THRB: variants seen among roughly 807,000 people sequenced by gnomAD.
THRB encodes thyroid hormone receptor beta.
A neutral mutation model predicts 47.8 loss-of-function variants in THRB; 12 were observed. That is an observed-to-expected ratio of 0.25 (90% CI 0.16 to 0.41). THRB has a LOEUF of 0.41. Ranked by LOEUF, THRB falls within the 10% of genes least tolerant of loss-of-function variation. The pLI is 1.00. For synonymous variants in THRB, 218 were observed against 212.2 expected (o/e 1.03, Z -0.24); for missense variants, 348 against 589.2 (o/e 0.59, Z 4.24).
At chr3:24,482,800 T>C (rs1696683335) in intron 1 of THRB, among the ~76,000 whole-genome samples, 1 of 152,222 alleles carries the variant, frequency 6.6e-6, no homozygotes, top group Non-Finnish European at 1.5e-5. Flanking sequence ...TCACCTATTA[T>C]GGAATATTAA....
At chr3:24,257,659 A>G (rs995109907) in intron 3 of THRB, among the ~76,000 whole-genome samples, 2 of 152,238 alleles carry the variant, frequency 1.3e-5, no homozygotes, top group Admixed American at 1.3e-4. Flanking sequence ...GCAGCCACAG[A>G]CAATGTTAAG....
Position 24,437,077 on chromosome 3 carries a change from A to G in THRB, c.-261+57575T>C, listed in dbSNP as rs1224916695. ...AAAAATGTGTATATATATATCATAT[A>G]TATATCATAAAAATGTGTGTGTGTA... On this transcript the variant is annotated intron_variant, in intron 1 of 10. Coordinates refer to ENST00000646209, the MANE Select transcript of THRB (RefSeq NM_001354712.2). 2.0e-5 allele frequency among the ~76,000 whole-genome samples: 3 copies of G among 149,880 alleles called. No individual in the cohort carries two copies. In the East Asian group the frequency reaches 5.8e-4, roughly 29 times the overall value.
rs150399544 is a variant in THRB at position 24,366,408 on chromosome 3, C to T, written c.-260-29037G>A. 2.6e-4 allele frequency among the ~76,000 whole-genome samples: 39 copies of T among 152,194 alleles called. 1 individual carries two copies. The East Asian group carries it at 5.4e-3, about 21-fold the overall frequency. On this transcript the variant is annotated intron_variant, in intron 1 of 10. Coordinates refer to ENST00000646209, the MANE Select transcript of THRB (RefSeq NM_001354712.2). ...CCAGGCAGTCATGACCAGGTGGTAG[C>T]GATGGCGGGAGTGAGGGACCAAGGC...
chr3:24,143,935 C>CA, intron 7 of THRB: 1 of 581,174 alleles, frequency 1.7e-6, no homozygotes, highest in South Asian at 2.0e-5. Flanking sequence ...GCCAGCTTTT[C>CA]AAAACAAAGT....
At chr3:24,164,871 T>C (rs1575531079) in intron 5 of THRB, among the ~76,000 whole-genome samples, 1 of 152,330 alleles carries the variant, frequency 6.6e-6, no homozygotes, top group East Asian at 1.9e-4. Context: ...ACAGAGTCCT[T>C]CAATCACCTA....
At chr3:24,449,177 A>G (rs1179561228) in intron 1 of THRB, among the ~76,000 whole-genome samples, 3 of 152,228 alleles carry the variant, frequency 2.0e-5, no homozygotes, top group African/African-American at 7.2e-5. Flanking sequence ...CTTGAAGGCA[A>G]GCTACTTACA....
intron 5 of THRB, among the ~76,000 whole-genome samples, chr3:24,186,233 G>C (rs982461029): frequency 2.0e-5 from 3 of 152,132 alleles, no homozygotes; most frequent in African/African-American, 7.2e-5. Context: ...GTCTGGGTGG[G>C]GCCTGAGAAT....
intron 1 of THRB, among the ~76,000 whole-genome samples, chr3:24,444,321 C>T (rs1354632376): frequency 6.6e-6 from 1 of 151,958 alleles, no homozygotes; most frequent in African/African-American, 2.4e-5. Context: ...CATTAACAAA[C>T]AGAATCAAAA....
chr3:24,401,740 C>T (rs1328776237), intron 1 of THRB, among the ~76,000 whole-genome samples: 1 of 152,030 alleles, frequency 6.6e-6, no homozygotes, highest in East Asian at 1.9e-4. Flanking sequence ...AGTGTGGTCC[C>T]TGGACCAGCA....
chr3:24,123,342 ATC>A (rs1227914921), intron 10 of THRB, among the ~76,000 whole-genome samples: 6 of 152,338 alleles, frequency 3.9e-5, no homozygotes, highest in Non-Finnish European at 7.4e-5. Context: ...TCAGATAAAT[ATC>A]TCTGTTTAGA....
chr3:24,280,727 C>T (rs1320375262), intron 3 of THRB, among the ~76,000 whole-genome samples: 1 of 151,700 alleles, frequency 6.6e-6, no homozygotes, highest in East Asian at 1.9e-4. Flanking sequence ...ATAACCAATA[C>T]AGAGAAGTGC....
intron 4 of THRB, among the ~76,000 whole-genome samples, chr3:24,213,582 A>G: frequency 6.6e-6 from 1 of 152,196 alleles, no homozygotes; most frequent in East Asian, 1.9e-4. Context: ...AAAGGAGACG[A>G]CAATACAATC....
chr3:24,218,585 T>C (rs1407839692), intron 4 of THRB, among the ~76,000 whole-genome samples: 1 of 151,710 alleles, frequency 6.6e-6, no homozygotes, highest in Non-Finnish European at 1.5e-5. Context: ...CTGTTGGCTG[T>C]TTTCTCCACA....
intron 3 of THRB, among the ~76,000 whole-genome samples, chr3:24,276,942 T>C (rs964181594): frequency 1.3e-5 from 2 of 151,880 alleles, no homozygotes; most frequent in African/African-American, 2.4e-5. Flanking sequence ...TTTATAAAAG[T>C]TATATGCAAA....
chr3:24,422,064 A>ACCAACAATGACTATACAAATAATT (rs1315100061), intron 1 of THRB, among the ~76,000 whole-genome samples: 1 of 151,966 alleles, frequency 6.6e-6, no homozygotes, highest in Non-Finnish European at 1.5e-5. Flanking sequence ...TACTACTTCA[A>ACCAACAATGACTATACAAATAATT]CCAACAATGA....
chr3:24,400,545 C>T (rs2067309433), intron 1 of THRB, among the ~76,000 whole-genome samples: 2 of 151,972 alleles, frequency 1.3e-5, no homozygotes, highest in South Asian at 4.1e-4. Context: ...TCAAGGTAGA[C>T]TGGCAATAGC....
chr3:24,451,564 A>G (rs569894279), intron 1 of THRB, among the ~76,000 whole-genome samples: 14 of 152,278 alleles, frequency 9.2e-5, no homozygotes, highest in African/African-American at 2.9e-4. Context: ...CAAAAGTCAG[A>G]GTCAAAATCA....
At chr3:24,366,672 G>A (rs943735902) in intron 1 of THRB, among the ~76,000 whole-genome samples, 22 of 140,244 alleles carry the variant, frequency 1.6e-4, no homozygotes, top group African/African-American at 5.4e-4. Context: ...CCAGGCTGGA[G>A]TACAGTGGCA....
At chr3:24,280,002 T>C (rs2054378089) in intron 3 of THRB, among the ~76,000 whole-genome samples, 1 of 152,142 alleles carries the variant, frequency 6.6e-6, no homozygotes, top group Middle Eastern at 3.2e-3. Flanking sequence ...CACCAGATAG[T>C]TAATAGGGTC....
Sources: gnomAD v4.1 joint callset for allele counts (sites outside exome capture counted in the v4.1 genomes callset) on GRCh38, gnomAD v4.1.1 for gene constraint, MANE v1.5 for transcripts, NCBI Gene and HGNC (gene_info 2026-07-23, HGNC 2026-07-21) for gene names.